The following TMEM165 variants were observed in gnomAD, a reference collection of about 807,000 sequenced individuals.
TMEM165 encodes transmembrane protein 165.
A neutral mutation model predicts 30.0 loss-of-function variants in TMEM165; 19 were observed. The ratio of observed to expected loss-of-function variants is 0.63; its 90% CI spans 0.44 to 0.93. The LOEUF (loss-of-function observed/expected upper bound fraction) is 0.93, where lower values mean the gene tolerates loss of function less well. Ranked by LOEUF, TMEM165 falls within the 40% of genes least tolerant of loss-of-function variation. The pLI is 0.00. For synonymous variants in TMEM165, 168 were observed against 162.9 expected, an observed-to-expected ratio of 1.03 and a Z score of -0.24; for missense variants, 340 against 417.0, an observed-to-expected ratio of 0.82 and a Z score of 1.61.
intron 2 of TMEM165, chr4:55,415,538 C>T (rs1721686830): frequency 6.6e-6 from 1 of 152,170 alleles, no homozygotes; most frequent in African/African-American, 2.4e-5. Flanking sequence ...GGTTACTGAG[C>T]TCCTTGTTAC....
At chr4:55,421,166 CAAAAAA>C (rs71194559) in intron 4 of TMEM165, among the ~76,000 whole-genome samples, 70 of 83,482 alleles carry the variant, frequency 8.4e-4, no homozygotes, top group East Asian at 3.0e-3. Flanking sequence ...GATTCCATCT[CAAAAAA>C]AAAAAAAAAA....
chr4:55,400,015 T>A (rs1008923470), intron 1 of TMEM165, among the ~76,000 whole-genome samples: 1 of 141,328 alleles, frequency 7.1e-6, no homozygotes, highest in Non-Finnish European at 1.5e-5. Flanking sequence ...TTTTCTTCCT[T>A]TTTTTTTTTT....
At chr4:55,442,928 A>G (rs1289924254) in intron 3 of TMEM165, among the ~76,000 whole-genome samples, 5 of 152,124 alleles carry the variant, frequency 3.3e-5, no homozygotes, top group South Asian at 2.1e-4. Flanking sequence ...GTGAATGACT[A>G]ATTAGTGGGC....
intron 1 of TMEM165, among the ~76,000 whole-genome samples, chr4:55,403,492 C>CTTTTTTTTTTTTTTTTTTTTT (rs71664292): frequency 8.0e-6 from 1 of 124,512 alleles, no homozygotes; most frequent in Non-Finnish European, 1.6e-5. Context: ...GTGCCTTTTT[C>CTTTTTTTTTTTTTTTTTTTTT]TTTTTCTTTT....
chr4:55,442,147 A>G, intron 3 of TMEM165: 1 of 378,808 alleles, frequency 2.6e-6, no homozygotes. Context: ...TCACAGTGAC[A>G]CAGAGCCTGT....
At chr4:55,440,992 A>G (rs1723323562) in intron 3 of TMEM165, among the ~76,000 whole-genome samples, 1 of 152,118 alleles carries the variant, frequency 6.6e-6, no homozygotes. Context: ...AAAACACAAC[A>G]CAACAAAAAA....
At chr4:55,429,037 G>A (rs1274147089), downstream of TMEM165, 3 of 119,872 alleles carry the variant, frequency 2.5e-5, no homozygotes, top group Admixed American at 9.7e-5. Flanking sequence ...GAAGATGATT[G>A]TCTGGTTATA....
intron 3 of TMEM165, chr4:55,432,183 C>G (rs1722556530): frequency 6.6e-6 from 1 of 152,152 alleles, no homozygotes; most frequent in Non-Finnish European, 1.5e-5. Context: ...CACATGCTAC[C>G]TGCATCTCCC....
In TMEM165 at chr4:55,409,513, T is replaced by C. The variant is rs1025069064; in HGVS notation, c.208-2101T>C. On this transcript the variant is annotated intron_variant, in intron 1 of 5. Coordinates refer to ENST00000381334, the MANE Select transcript of TMEM165 (RefSeq NM_018475.5). ...AGTGGTTTATCTAGCCCAGGGCGTC[T>C]CAGTCTGGGAACTGTTGACATTTTG... Among the ~76,000 whole-genome samples the C allele has an allele frequency of 5.3e-5, 8 of 152,286 alleles. No individual in the cohort carries two copies. In the East Asian group the frequency reaches 1.5e-3, roughly 29 times the overall value.
intron 3 of TMEM165, chr4:55,435,577 A>G: frequency 6.2e-7 from 1 of 1,613,940 alleles, no homozygotes; most frequent in Non-Finnish European, 8.5e-7. Flanking sequence ...AGGGATTCCC[A>G]TGGAGCAACC....
chr4:55,438,604 G>C (rs2109649904), intron 3 of TMEM165: 1 of 1,608,634 alleles, frequency 6.2e-7, no homozygotes, highest in African/African-American at 1.3e-5. Context: ...AAACGCAGTG[G>C]AGTAAATACT....
At position 55,438,656 on chromosome 4, in the gene TMEM165, A is replaced by C. The variant is rs1723093078; in HGVS notation, c.409-13583A>C. ...CAATGACATTGCCAGTTTGTTTTTCAAGGTCTGTATATTCCTACTTTGTTT... is the reference window on the plus strand; with the variant it reads ...CAATGACATTGCCAGTTTGTTTTTCCAGGTCTGTATATTCCTACTTTGTTT... On this transcript the variant is annotated intron_variant, in intron 3 of 3. Coordinates refer to the TMEM165 transcript ENST00000608091. The C allele has an allele frequency of 7.5e-6, 11 of 1,465,008 alleles. No homozygotes were observed. The South Asian group carries it at 1.2e-4, about 16-fold the overall frequency. The allele number at this position is 1,465,008 out of a possible 1,614,324, so 90.8% of individuals were successfully genotyped here.
intron 4 of TMEM165, among the ~76,000 whole-genome samples, chr4:55,419,362 G>T (rs112279622): frequency 2.0e-5 from 3 of 152,240 alleles, no homozygotes; most frequent in African/African-American, 7.2e-5. Context: ...CTAAGTTCTG[G>T]AGTGGGAAGC....
At chr4:55,418,175 T>G in intron 4 of TMEM165, 190 bp downstream of exon 4, 2 of 499,488 alleles carry the variant, frequency 4.0e-6, no homozygotes, top group South Asian at 8.2e-5. Context: ...GTGAAATTCT[T>G]GTAACCAAGC....
chr4:55,401,459 T>C (rs1283817406), intron 1 of TMEM165, among the ~76,000 whole-genome samples: 1 of 150,724 alleles, frequency 6.6e-6, no homozygotes, highest in Non-Finnish European at 1.5e-5. Flanking sequence ...TTATTGCATA[T>C]TCTGGAAGTC....
intron 3 of TMEM165, chr4:55,442,372 A>C (rs113449347): frequency 2.1e-6 from 3 of 1,420,232 alleles, no homozygotes; most frequent in African/African-American, 1.4e-5. Context: ...AAATCAAATT[A>C]TTGTTTTCTA....
At chr4:55,417,570 G>C in intron 3 of TMEM165, 1 of 561,444 alleles carries the variant, frequency 1.8e-6, no homozygotes, top group Non-Finnish European at 3.1e-6. Context: ...TAAGTGAGCA[G>C]AGCAGTAAAT....
intron 3 of TMEM165, chr4:55,443,561 T>A: frequency 1.3e-6 from 1 of 773,246 alleles, no homozygotes; most frequent in Non-Finnish European, 2.3e-6. Flanking sequence ...CTCTCAATAC[T>A]ATACTTTCTA....
intron 3 of TMEM165, chr4:55,433,612 T>C (rs1722665615): frequency 6.6e-6 from 1 of 152,216 alleles, no homozygotes; most frequent in Admixed American, 6.5e-5. Context: ...TTTTGATTTA[T>C]TACACTTGTC....
Sources: allele counts gnomAD v4.1 joint callset (sites outside exome capture counted in the v4.1 genomes callset), GRCh38; gene constraint gnomAD v4.1.1; transcripts MANE v1.5; gene names NCBI Gene and HGNC (gene_info 2026-07-23, HGNC 2026-07-21).